DBF4B: variants seen among roughly 807,000 people sequenced by gnomAD.
DBF4B encodes the protein DBF4B-CDC7 kinase regulatory subunit, also known as protein DBF4 homolog B.
In DBF4B, 49 loss-of-function variants were observed where a neutral mutation model predicts 53.4. That is an observed-to-expected ratio of 0.92 (90% CI 0.73 to 1.16). The LOEUF is 1.16. DBF4B is among the 50% of genes most tolerant of loss of function. The pLI is 0.00. For missense variants in DBF4B, 692 were observed against 775.0 expected (o/e 0.89, Z 1.27); for synonymous variants, 257 against 288.7 (o/e 0.89, Z 1.11).
chr17:44,748,934 CCA>C, intron 13 of DBF4B: 1 of 1,290,028 alleles, frequency 7.8e-7, no homozygotes, highest in Non-Finnish European at 1.0e-6. Context: ...CCCTGGCAGC[CCA>C]CAGACAGACC....
intron 2 of DBF4B, among the ~76,000 whole-genome samples, chr17:44,711,061 C>T (rs1379241143): frequency 7.0e-6 from 1 of 142,450 alleles, no homozygotes; most frequent in Non-Finnish European, 1.5e-5. Flanking sequence ...TCTCGGCTCA[C>T]TGCAACCTCT....
chr17:44,736,661 C>T (rs920912988), intron 7 of DBF4B, among the ~76,000 whole-genome samples, 169 bp from the exon 8 acceptor site: 1 of 152,104 alleles, frequency 6.6e-6, no homozygotes, highest in African/African-American at 2.4e-5. Flanking sequence ...AAGAGGGAGC[C>T]GTTGTGCCCA....
At chr17:44,742,662 A>G (rs1400460910) in intron 10 of DBF4B, among the ~76,000 whole-genome samples, 2 of 152,118 alleles carry the variant, frequency 1.3e-5, no homozygotes, top group African/African-American at 4.8e-5. Context: ...ACAAGCTCTC[A>G]TGTGATTTCA....
At chr17:44,712,677 G>A (rs891845941) in intron 2 of DBF4B, among the ~76,000 whole-genome samples, 5 of 151,802 alleles carry the variant, frequency 3.3e-5, no homozygotes, top group African/African-American at 1.2e-4. Context: ...CTGACCTCAC[G>A]ATCTGCCCTC....
At position 44,741,385 on chromosome 17, in the gene DBF4B, T is replaced by A. The variant is rs761654002; in HGVS notation, c.763T>A (p.Phe255Ile). Residue 255 changes from phenylalanine (F) to isoleucine (I), a missense_variant, in exon 10 of 14, where the codon TTT (phenylalanine) becomes ATT (isoleucine). Coordinates refer to ENST00000315005, the MANE Select transcript of DBF4B (RefSeq NM_145663.3). The part of the protein sequence containing the change: ...HQFKSFPEIS[F>I]LGPKDASPFE... ...GTTTAAATCCTTTCCTGAAATTTCT[T>A]TTCTTGGACCCAAAGATGCAAGTCC... The A allele has an allele frequency of 6.2e-7, 1 of 1,613,772 alleles. No homozygotes were observed.
chr17:44,744,198 G>C (rs1976380783), intron 10 of DBF4B, among the ~76,000 whole-genome samples: 1 of 150,426 alleles, frequency 6.6e-6, no homozygotes, highest in Non-Finnish European at 1.5e-5. Flanking sequence ...GATCACTTGA[G>C]CTCACGAGTT....
intron 3 of DBF4B, among the ~76,000 whole-genome samples, chr17:44,728,358 TAGGTCCCACCTCC>T (rs1242557669): frequency 6.6e-6 from 1 of 152,046 alleles, no homozygotes; most frequent in Non-Finnish European, 1.5e-5. Flanking sequence ...CATAAAAAAG[TAGGTCCCACCTCC>T]TAATGGCAGG....
rs762360513 is a variant in DBF4B, at chr17:44,750,748, C to T, written c.1343C>T (p.Pro448Leu). 2 of 1,614,182 alleles carry T rather than the reference C, an allele frequency of 1.2e-6. No homozygotes were observed. The highest frequency in any genetic ancestry group is 1.1e-5 in the South Asian group (1 of 91,084). The change falls in exon 14 of 14, where the codon CCA becomes CTA. Residue 448 changes from proline (P) to leucine (L), a missense_variant. Coordinates refer to ENST00000315005, the MANE Select transcript of DBF4B (RefSeq NM_145663.3). Reference sequence around the variant, plus strand: ...GAGCAGGGCTGCCTCTGTCCCTGCCCAGCCTCCTTTACCCAGTCTCATCTG... The same window carrying T: ...GAGCAGGGCTGCCTCTGTCCCTGCCTAGCCTCCTTTACCCAGTCTCATCTG... ...SREQGCLCPC[P>L]ASFTQSHLVT...
intron 10 of DBF4B, among the ~76,000 whole-genome samples, chr17:44,743,607 C>CTTTT (rs71136042): frequency 8.8e-5 from 10 of 114,058 alleles, no homozygotes; most frequent in East Asian, 2.4e-4. Context: ...CTGTATGATT[C>CTTTT]TTTTTTTTTT....
At chr17:44,718,807 T>C (rs1390117351) in intron 2 of DBF4B, 1 of 151,628 alleles carries the variant, frequency 6.6e-6, no homozygotes, top group African/African-American at 2.4e-5. Context: ...TAAATTGTTT[T>C]TCTTTTAGAG....
chr17:44,716,271 G>C (rs138747716), intron 2 of DBF4B, among the ~76,000 whole-genome samples: 30 of 152,094 alleles, frequency 2.0e-4, no homozygotes, highest in Middle Eastern at 3.2e-3. Context: ...AGGGACCTCA[G>C]TTGTCACTAG....
intron 9 of DBF4B, among the ~76,000 whole-genome samples, chr17:44,740,382 G>A (rs1374353116): frequency 3.9e-5 from 6 of 152,164 alleles, no homozygotes; most frequent in East Asian, 1.9e-4. Flanking sequence ...CAGGGTTTGC[G>A]AAGTATACAC....
intron 3 of DBF4B, among the ~76,000 whole-genome samples, chr17:44,727,614 T>C (rs1462465695): frequency 6.6e-6 from 1 of 152,338 alleles, no homozygotes; most frequent in East Asian, 1.9e-4. Flanking sequence ...AATTACATTT[T>C]GAACTTTTAG....
chr17:44,733,772 C>A (rs905315279), intron 6 of DBF4B: 2 of 315,632 alleles, frequency 6.3e-6, no homozygotes, highest in African/African-American at 4.3e-5. Context: ...GCATGGCCTC[C>A]CTCACAGCCA....
Position 44,708,845 on chromosome 17 carries a change from G to T in DBF4B, c.19+6G>T. ...GATGAGCGAACCGGGAAAGGGTACG[G>T]ATGCCGGGAAGGGGAGAAAGAAAGG... is the stretch of plus-strand genomic sequence containing the variant. On this transcript the variant is annotated splice_donor_region_variant and intron_variant, in intron 1 of 13. Coordinates refer to ENST00000315005, the MANE Select transcript of DBF4B (RefSeq NM_145663.3). 6.4e-7 allele frequency: 1 copy of T among 1,551,008 alleles called. No individual in the cohort carries two copies. The highest frequency in any genetic ancestry group is 8.7e-7 in the Non-Finnish European group (1 of 1,146,752).
chr17:44,739,007 A>G (rs2145056329), intron 9 of DBF4B, among the ~76,000 whole-genome samples: 1 of 152,344 alleles, frequency 6.6e-6, no homozygotes, highest in Middle Eastern at 3.4e-3. Flanking sequence ...AACTGAGGTC[A>G]GAGAAAGGAA....
In DBF4B at chr17:44,749,771, C is replaced by T; in HGVS notation, c.1190-824C>T. 1 of 1,101,144 alleles carries T rather than the reference C, an allele frequency of 9.1e-7. No homozygotes were observed. Among genetic ancestry groups the T allele is most frequent in the Non-Finnish European group, 1.1e-6 (1 of 895,754 alleles). The allele number at this position is 1,101,144 out of a possible 1,614,324, so 68.2% of individuals were successfully genotyped here. ...TTCCTGGCCCTCCACAGGCCCTTGC[C>T]TCTCTGCAGAGCCGCGGGTTAGCTG... On this transcript the variant is annotated intron_variant, in intron 13 of 13. Transcript: ENST00000315005. This position sits in a 1 kb window ranked among gnomAD's most constrained non-coding sequence, Gnocchi z 4.4.
intron 2 of DBF4B, among the ~76,000 whole-genome samples, chr17:44,713,223 A>G (rs1005846782): frequency 3.4e-5 from 5 of 148,502 alleles, no homozygotes; most frequent in African/African-American, 1.2e-4. Flanking sequence ...GGTTTTTTTT[A>G]GTAGAGATGG....
chr17:44,737,289 C>A (rs2145036313), intron 8 of DBF4B, among the ~76,000 whole-genome samples: 1 of 152,160 alleles, frequency 6.6e-6, no homozygotes, highest in East Asian at 1.9e-4. Context: ...CTCCTGGTTC[C>A]TCTTGGACAG....
Sources: allele counts gnomAD v4.1 joint callset (sites outside exome capture counted in the v4.1 genomes callset), GRCh38; gene constraint gnomAD v4.1.1; non-coding constraint Gnocchi (gnomAD v3.1); transcripts MANE v1.5; gene names NCBI Gene and HGNC (gene_info 2026-07-23, HGNC 2026-07-21).